LY96: variants seen among roughly 807,000 people sequenced by gnomAD.
The protein encoded by LY96 is lymphocyte antigen 96.
In LY96, 18 loss-of-function variants were observed where a neutral mutation model predicts 18.9. The ratio of observed to expected loss-of-function variants is 0.95; its 90% CI spans 0.66 to 1.41. The LOEUF (loss-of-function observed/expected upper bound fraction) is 1.41, where lower values mean the gene tolerates loss of function less well. Among genes scored for constraint, LY96 ranks in the 40% most tolerant of loss-of-function variants. The probability of loss-of-function intolerance (pLI) is 0.00; values close to 1 mark genes in which losing one functional copy is unlikely to be tolerated. For missense variants in LY96, 175 were observed against 182.4 expected, an observed-to-expected ratio of 0.96 and a Z score of 0.23; for synonymous variants, 66 against 62.6, an observed-to-expected ratio of 1.06 and a Z score of -0.26.
intron 3 of LY96, among the ~76,000 whole-genome samples, chr8:74,024,640 T>A (rs73335860): frequency 0.042 from 6,329 of 152,148 alleles, 152 homozygotes; most frequent in Middle Eastern, 0.062. Flanking sequence ...GTGACTGGCC[T>A]AAAGTTACAC....
chr8:74,098,282 T>C, the LY96 span, among the ~76,000 whole-genome samples: 21 of 152,262 alleles, frequency 1.4e-4, no homozygotes, highest in Admixed American at 9.8e-4. Flanking sequence ...AGTAAGGCCT[T>C]AGAAAAATGT....
At chr8:74,089,276 C>G in the LY96 span, among the ~76,000 whole-genome samples, 11 of 152,186 alleles carry the variant, frequency 7.2e-5, no homozygotes, top group Non-Finnish European at 1.5e-4. Context: ...TATTCCAAAT[C>G]CTCAAAACAA....
At chr8:74,037,473 A>G in the LY96 span, among the ~76,000 whole-genome samples, 1 of 152,006 alleles carries the variant, frequency 6.6e-6, no homozygotes, top group Non-Finnish European at 1.5e-5. Flanking sequence ...TACAAAAAAT[A>G]AAATAAAAAT....
At chr8:74,059,751 A>G in the LY96 span, among the ~76,000 whole-genome samples, 502 of 152,382 alleles carry the variant, frequency 3.3e-3, 5 homozygotes, top group African/African-American at 0.011. Flanking sequence ...TTAGGAGAAC[A>G]GCTTTATGAT....
the LY96 span, among the ~76,000 whole-genome samples, chr8:74,088,083 A>AAGAATAGAATAGAATAAT: frequency 8.3e-6 from 1 of 120,324 alleles, no homozygotes; most frequent in Non-Finnish European, 1.7e-5. Context: ...TCACTGAGAG[A>AAGAATAGAATAGAATAAT]AGAATAGAAT....
chr8:74,002,046 C>CTTT (rs1816293091), intron 1 of LY96, among the ~76,000 whole-genome samples: 1 of 28,314 alleles, frequency 3.5e-5, no homozygotes, highest in African/African-American at 2.5e-4. Flanking sequence ...TTCCTTCCTT[C>CTTT]CTTCCTTCCT....
the LY96 span, among the ~76,000 whole-genome samples, chr8:74,059,642 T>C: frequency 6.6e-6 from 1 of 152,168 alleles, no homozygotes; most frequent in African/African-American, 2.4e-5. Context: ...CATTTTTGAG[T>C]AGTTAAATTT....
the LY96 span, chr8:74,079,502 G>A: frequency 6.6e-6 from 1 of 152,174 alleles, no homozygotes; most frequent in East Asian, 1.9e-4. Context: ...CTTTGGAAGA[G>A]GATTACAAGG....
At chr8:73,998,831 G>A (rs1244797682) in intron 1 of LY96, among the ~76,000 whole-genome samples, 2 of 152,224 alleles carry the variant, frequency 1.3e-5, no homozygotes, top group African/African-American at 2.4e-5. Flanking sequence ...GTTTCTTTTT[G>A]TCCTGTTAAT....
the LY96 span, among the ~76,000 whole-genome samples, chr8:74,085,149 G>T: frequency 2.6e-5 from 4 of 152,168 alleles, no homozygotes; most frequent in African/African-American, 7.2e-5. Flanking sequence ...TATGTGTGTT[G>T]TCTCACAAAA....
At chr8:74,093,562 A>G in the LY96 span, among the ~76,000 whole-genome samples, 1 of 152,180 alleles carries the variant, frequency 6.6e-6, no homozygotes, top group Non-Finnish European at 1.5e-5. Context: ...AGAGTTCTTC[A>G]GTTTCCAGGA....
chr8:74,012,172 C>T (rs1816545956), intron 3 of LY96, among the ~76,000 whole-genome samples: 2 of 152,124 alleles, frequency 1.3e-5, no homozygotes. Flanking sequence ...TTCCATCTAG[C>T]AATTTCACTA....
chr8:74,011,366 G>A (rs933068253), intron 3 of LY96, among the ~76,000 whole-genome samples: 3 of 152,130 alleles, frequency 2.0e-5, no homozygotes, highest in African/African-American at 7.2e-5. Context: ...AGGCAATAAA[G>A]ACAAAAGTAG....
At chr8:74,080,770 A>T in the LY96 span, among the ~76,000 whole-genome samples, 2 of 152,150 alleles carry the variant, frequency 1.3e-5, no homozygotes, top group Non-Finnish European at 2.9e-5. Context: ...CACCTTGCTG[A>T]TGTGGTTTCA....
At chr8:74,068,102 A>AT in the LY96 span, among the ~76,000 whole-genome samples, 2 of 139,284 alleles carry the variant, frequency 1.4e-5, no homozygotes, top group South Asian at 2.2e-4. Context: ...ATATATATAT[A>AT]ACATTTCCTT....
chr8:74,085,588 GC>G, the LY96 span, among the ~76,000 whole-genome samples: 1 of 152,160 alleles, frequency 6.6e-6, no homozygotes, highest in African/African-American at 2.4e-5. Flanking sequence ...GCTCCTTTCT[GC>G]TTTTCCAACT....
At chr8:74,011,509 T>G (rs12544736) in intron 3 of LY96, among the ~76,000 whole-genome samples, 34,595 of 152,066 alleles carry the variant, frequency 0.23, 4,397 homozygotes, top group African/African-American at 0.34. Context: ...ATATTCAGAA[T>G]GTACAAAGAA....
chr8:74,050,627 G>C, the LY96 span, among the ~76,000 whole-genome samples: 2 of 152,008 alleles, frequency 1.3e-5, no homozygotes, highest in African/African-American at 4.8e-5. Context: ...ATTTCTTAAC[G>C]TTGTTTTCAT....
At chr8:73,996,372 C>CATTCATTTCTTTCTTT (rs756373007) in intron 1 of LY96, among the ~76,000 whole-genome samples, 5 of 111,006 alleles carry the variant, frequency 4.5e-5, no homozygotes, top group African/African-American at 1.8e-4. Flanking sequence ...TTCCTTCATT[C>CATTCATTTCTTTCTTT]CTTTCTTTCT....
Sources: gnomAD v4.1 joint callset for allele counts (sites outside exome capture counted in the v4.1 genomes callset) on GRCh38, gnomAD v4.1.1 for gene constraint, MANE v1.5 for transcripts, NCBI Gene and HGNC (gene_info 2026-07-23, HGNC 2026-07-21) for gene names.